Variants in RAP1GAP observed in about 807,000 individuals in gnomAD.
RAP1GAP encodes the protein RAP1 GTPase activating protein.
Under a neutral mutation model 87.2 loss-of-function variants are expected in RAP1GAP, and 35 were observed. That is an observed-to-expected ratio of 0.40 (90% CI 0.31 to 0.53). The LOEUF (loss-of-function observed/expected upper bound fraction) is 0.53, where lower values mean the gene tolerates loss of function less well. Among genes scored for constraint, RAP1GAP ranks in the 20% least tolerant of loss-of-function variants. RAP1GAP has a pLI of 0.48. For missense variants in RAP1GAP, 734 were observed against 898.9 expected (o/e 0.82, Z 2.35); for synonymous variants, 375 against 363.9 (o/e 1.03, Z -0.35).
At chr1:21,642,815 T>C (rs2151484113) in intron 2 of RAP1GAP, among the ~76,000 whole-genome samples, 1 of 151,326 alleles carries the variant, frequency 6.6e-6, no homozygotes, top group South Asian at 2.1e-4. Flanking sequence ...TCCTCCACAT[T>C]GCTGACCTGC....
At chr1:21,608,485 C>T in intron 16 of RAP1GAP, 135 bp from the exon 17 acceptor site, 1 of 1,206,416 alleles carries the variant, frequency 8.3e-7, no homozygotes, top group East Asian at 2.6e-5. Flanking sequence ...CGGAGGGCTC[C>T]TGCACCGCCT....
intron 1 of RAP1GAP, 131 bp from the exon 2 acceptor site, chr1:21,649,927 C>A: frequency 1.1e-6 from 1 of 896,078 alleles, no homozygotes; most frequent in Non-Finnish European, 1.8e-6. Flanking sequence ...CTAAGGATGC[C>A]TGATGCAGTC....
intron 7 of RAP1GAP, 99 bp downstream of exon 7, chr1:21,617,207 G>C: frequency 1.5e-6 from 2 of 1,367,776 alleles, no homozygotes; most frequent in Non-Finnish European, 2.0e-6. Context: ...CTGTCACCCA[G>C]CCCTGGCCCA....
chr1:21,635,531 T>G (rs2094544291), intron 2 of RAP1GAP, among the ~76,000 whole-genome samples: 1 of 152,220 alleles, frequency 6.6e-6, no homozygotes, highest in African/African-American at 2.4e-5. Context: ...CTGCCTGGAC[T>G]GTTCCTGAGG....
intron 1 of RAP1GAP, among the ~76,000 whole-genome samples, chr1:21,657,371 C>T (rs761515615): frequency 4.6e-5 from 7 of 152,254 alleles, no homozygotes; most frequent in Non-Finnish European, 7.3e-5. Flanking sequence ...CTCAGGCCCA[C>T]ACATCCTTAC....
chr1:21,611,297 C>T (rs933132645), intron 13 of RAP1GAP, among the ~76,000 whole-genome samples, 155 bp downstream of exon 13: 14 of 152,228 alleles, frequency 9.2e-5, no homozygotes, highest in Non-Finnish European at 1.9e-4. Context: ...CTTTCTGTCT[C>T]CCCTGACCCA....
intron 1 of RAP1GAP, among the ~76,000 whole-genome samples, chr1:21,660,166 C>T (rs148344912): frequency 3.7e-4 from 56 of 151,100 alleles, no homozygotes; most frequent in African/African-American, 1.3e-3. Flanking sequence ...CAAAGCACCT[C>T]CCCAAGACAC....
intron 2 of RAP1GAP, among the ~76,000 whole-genome samples, chr1:21,647,425 C>T (rs1212423871): frequency 6.6e-6 from 1 of 152,138 alleles, no homozygotes; most frequent in South Asian, 2.1e-4. Context: ...GACTGCACAA[C>T]TACACTACAG....
chr1:21,651,811 C>G, intron 1 of RAP1GAP: 6 of 1,312,568 alleles, frequency 4.6e-6, no homozygotes, highest in Non-Finnish European at 5.8e-6. Context: ...AGCTGCGCTT[C>G]CGGCCGCTCA....
At chr1:21,602,708 G>T in intron 19 of RAP1GAP, 96 bp downstream of exon 19, 1 of 1,076,240 alleles carries the variant, frequency 9.3e-7, no homozygotes, top group South Asian at 1.6e-5. Context: ...AGAGGCAGAG[G>T]GGCGGGCACT....
Position 21,609,102 on chromosome 1 carries a change from C to T in RAP1GAP, c.1072-166G>A, listed in dbSNP as rs1267295731. ...AAGGGTATCTCCCTGGGCTCAGCTCCCCAGGTACCTTCAAGGGGCCCCAGT... is the reference window on the plus strand; with the variant it reads ...AAGGGTATCTCCCTGGGCTCAGCTCTCCAGGTACCTTCAAGGGGCCCCAGT... On this transcript the variant is annotated intron_variant, in intron 15 of 24. Coordinates refer to ENST00000374765, the MANE Select transcript of RAP1GAP (RefSeq NM_002885.4). The surrounding 1 kb of genome is among the most constrained non-coding windows in gnomAD (Gnocchi z 4.4). Among the ~76,000 whole-genome samples the T allele has an allele frequency of 6.6e-6, 1 of 152,170 alleles. No homozygotes were observed. The highest frequency in any genetic ancestry group is 1.9e-4 in the East Asian group (1 of 5,188).
chr1:21,623,856 TG>T (rs1293912532), intron 3 of RAP1GAP, among the ~76,000 whole-genome samples: 2 of 152,170 alleles, frequency 1.3e-5, no homozygotes, highest in Non-Finnish European at 2.9e-5. Flanking sequence ...CTCACAGCAC[TG>T]GAGATGGCTG....
intron 10 of RAP1GAP, among the ~76,000 whole-genome samples, chr1:21,612,427 C>T (rs900156582): frequency 6.6e-6 from 1 of 152,260 alleles, no homozygotes; most frequent in East Asian, 1.9e-4. Context: ...CAAGCCCACC[C>T]CTACTCCACT....
chr1:21,599,349 T>C (rs1229230033), intron 21 of RAP1GAP, 145 bp downstream of exon 21: 2 of 1,175,692 alleles, frequency 1.7e-6, no homozygotes, highest in Non-Finnish European at 2.4e-6. Flanking sequence ...CAGGGGAGGG[T>C]TCGTCTGCAC....
At chr1:21,667,150 C>G (rs144377543) in intron 1 of RAP1GAP, among the ~76,000 whole-genome samples, 1 of 152,190 alleles carries the variant, frequency 6.6e-6, no homozygotes, top group African/African-American at 2.4e-5. Context: ...CAAAGGCCTC[C>G]GTAGACAGAT....
chr1:21,603,503 G>C lies in RAP1GAP; in HGVS notation c.1429-590C>G. 1 of 598,586 alleles carries C rather than the reference G, an allele frequency of 1.7e-6. No individual in the cohort carries two copies. Among genetic ancestry groups the C allele is most frequent in the South Asian group, 2.0e-5 (1 of 50,626 alleles). The allele number at this position is 598,586 out of a possible 1,614,324, so 37.1% of individuals were successfully genotyped here. On this transcript the variant is annotated intron_variant, in intron 18 of 24. Coordinates refer to ENST00000374765, the MANE Select transcript of RAP1GAP (RefSeq NM_002885.4). This position sits in a 1 kb window ranked among gnomAD's most constrained non-coding sequence, Gnocchi z 6.0. The stretch of plus-strand genomic sequence containing the variant: ...GAGGAGGAGTCAGGGCAGAGGAGAG[G>C]GATGGCGCTCCATGCAGACCGGCGA...
chr1:21,620,965 G>C (rs2086882623), intron 3 of RAP1GAP, among the ~76,000 whole-genome samples: 1 of 152,096 alleles, frequency 6.6e-6, no homozygotes, highest in Non-Finnish European at 1.5e-5. Flanking sequence ...CGTGTACCAA[G>C]AAAACAACAC....
chr1:21,662,114 C>A (rs2097174548), intron 1 of RAP1GAP, among the ~76,000 whole-genome samples: 1 of 152,226 alleles, frequency 6.6e-6, no homozygotes. Context: ...GGTGCAGCCC[C>A]AGAGCCACGT....
chr1:21,652,067 G>C (rs1216144117), intron 1 of RAP1GAP, among the ~76,000 whole-genome samples: 1 of 151,464 alleles, frequency 6.6e-6, no homozygotes, highest in Non-Finnish European at 1.5e-5. Context: ...AGCCGGGCGG[G>C]GATTGCGGGG....
Sources: gnomAD v4.1 joint callset for allele counts (sites outside exome capture counted in the v4.1 genomes callset) on GRCh38, gnomAD v4.1.1 for gene constraint, Gnocchi (gnomAD v3.1) non-coding constraint, MANE v1.5 for transcripts, NCBI Gene and HGNC (gene_info 2026-07-23, HGNC 2026-07-21) for gene names.